Variants in RAD51B observed in about 807,000 individuals in gnomAD.
The protein encoded by RAD51B is DNA repair protein RAD51 homolog 2.
RAD51B carries 38 observed loss-of-function variants against 42.2 expected under a neutral mutation model. That is an observed-to-expected ratio of 0.90 (90% CI 0.70 to 1.18). The LOEUF (loss-of-function observed/expected upper bound fraction) is 1.18, where lower values mean the gene tolerates loss of function less well. RAD51B is among the 50% of genes most tolerant of loss of function. The probability of loss-of-function intolerance (pLI) is 0.00; values close to 1 mark genes in which losing one functional copy is unlikely to be tolerated. For synonymous variants in RAD51B, 154 were observed against 145.2 expected (o/e 1.06, Z -0.43); for missense variants, 373 against 400.7 (o/e 0.93, Z 0.59).
chr14:68,136,062 A>G (rs1391958283), intron 7 of RAD51B, among the ~76,000 whole-genome samples: 2 of 152,310 alleles, frequency 1.3e-5, no homozygotes, highest in Non-Finnish European at 2.9e-5. Context: ...CACTTTTCCT[A>G]TCTGTAAACT....
intron 8 of RAD51B, among the ~76,000 whole-genome samples, chr14:68,399,149 A>G (rs2084011594): frequency 6.6e-6 from 1 of 152,108 alleles, no homozygotes; most frequent in Non-Finnish European, 1.5e-5. Context: ...AGGCCAACCT[A>G]CATTTTCCCA....
chr14:68,448,402 C>T (rs1169504539), intron 9 of RAD51B, among the ~76,000 whole-genome samples: 2 of 152,190 alleles, frequency 1.3e-5, no homozygotes, highest in African/African-American at 2.4e-5. Flanking sequence ...TGTTTTTTAA[C>T]ATGTCATCTC....
At chr14:68,201,257 A>G (rs1190644212) in intron 7 of RAD51B, among the ~76,000 whole-genome samples, 1 of 152,226 alleles carries the variant, frequency 6.6e-6, no homozygotes, top group Non-Finnish European at 1.5e-5. Flanking sequence ...AGCAAGTTCT[A>G]TAAAGCTCTT....
At chr14:67,827,325 T>G (rs1256027238) in intron 3 of RAD51B, among the ~76,000 whole-genome samples, 1 of 152,214 alleles carries the variant, frequency 6.6e-6, no homozygotes, top group Non-Finnish European at 1.5e-5. Flanking sequence ...TCAACTTTAA[T>G]TTCTACTTCC....
At chr14:67,875,852 C>T (rs1030558655) in intron 5 of RAD51B, among the ~76,000 whole-genome samples, 1 of 152,114 alleles carries the variant, frequency 6.6e-6, no homozygotes, top group African/African-American at 2.4e-5. Context: ...GAAGGTAATA[C>T]CAGTGTGGTC....
intron 9 of RAD51B, among the ~76,000 whole-genome samples, chr14:68,447,312 A>T (rs894034892): frequency 8.5e-5 from 13 of 152,220 alleles, no homozygotes; most frequent in Admixed American, 3.3e-4. Context: ...CTGTATTGTT[A>T]AGTTAAAGAG....
At chr14:68,105,924 G>T (rs1425224847) in intron 7 of RAD51B, among the ~76,000 whole-genome samples, 1 of 151,910 alleles carries the variant, frequency 6.6e-6, no homozygotes, top group South Asian at 2.1e-4. Flanking sequence ...TGAAATAGAA[G>T]TGGGAAAAAT....
chr14:68,645,429 A>G (rs138058862), intron 10 of RAD51B, among the ~76,000 whole-genome samples: 2 of 152,322 alleles, frequency 1.3e-5, no homozygotes, highest in East Asian at 3.9e-4. Context: ...TTCACATTTT[A>G]GCTATTATGA....
chr14:68,363,828 T>G (rs947288253), intron 8 of RAD51B, among the ~76,000 whole-genome samples: 1 of 152,198 alleles, frequency 6.6e-6, no homozygotes, highest in African/African-American at 2.4e-5. Context: ...ACCACTGTGC[T>G]TCTGTGTGCT....
chr14:68,272,171 G>C (rs1468039141), intron 7 of RAD51B, among the ~76,000 whole-genome samples: 1 of 152,162 alleles, frequency 6.6e-6, no homozygotes, highest in Admixed American at 6.5e-5. Flanking sequence ...TTGCTCAGCT[G>C]GTTTGGAGCT....
At chr14:68,206,470 C>T (rs755734940) in intron 7 of RAD51B, among the ~76,000 whole-genome samples, 1 of 152,154 alleles carries the variant, frequency 6.6e-6, no homozygotes, top group Non-Finnish European at 1.5e-5. Flanking sequence ...CTTTGACATT[C>T]CTTCCACATT....
intron 10 of RAD51B, chr14:68,541,551 G>C (rs1376792059): frequency 9.1e-6 from 9 of 985,360 alleles, no homozygotes; most frequent in Non-Finnish European, 1.1e-5. Context: ...GGGGAAAGTT[G>C]AGTCTAGATG....
At chr14:68,389,960 G>A (rs1422876407) in intron 8 of RAD51B, among the ~76,000 whole-genome samples, 1 of 152,142 alleles carries the variant, frequency 6.6e-6, no homozygotes, top group East Asian at 1.9e-4. Context: ...AACAGATTAG[G>A]AACTGAATAA....
chr14:68,501,050 C>T (rs1884885044), intron 10 of RAD51B, among the ~76,000 whole-genome samples: 1 of 152,154 alleles, frequency 6.6e-6, no homozygotes, highest in African/African-American at 2.4e-5. Flanking sequence ...GGCTGGTTTC[C>T]CTCTTGCCAT....
intron 7 of RAD51B, among the ~76,000 whole-genome samples, chr14:68,160,531 C>A (rs2078616078): frequency 6.6e-6 from 1 of 152,158 alleles, no homozygotes; most frequent in Admixed American, 6.5e-5. Context: ...AAATGAAAGA[C>A]CAATGACACT....
intron 8 of RAD51B, among the ~76,000 whole-genome samples, chr14:68,381,316 A>G (rs1273915991): frequency 6.6e-6 from 1 of 152,186 alleles, no homozygotes; most frequent in African/African-American, 2.4e-5. Flanking sequence ...TGTGAGCTTC[A>G]CTTAAAGCAA....
chr14:68,524,822 C>G lies in RAD51B; in HGVS notation c.1036+56572C>G, dbSNP rs576023728. Among the ~76,000 whole-genome samples, 21 of 152,342 alleles carry G rather than the reference C, an allele frequency of 1.4e-4. 1 individual carries two copies. In the South Asian group the frequency reaches 3.9e-3, roughly 29 times the overall value. ...GTGATTTCCAGTGTTTTCTCTGAGG[C>G]AGGTCTCCAACGATTTCTCTCCAGC... On this transcript the variant is annotated intron_variant, in intron 10 of 10. Transcript: ENST00000487270.
chr14:68,080,274 A>G (rs956037587), intron 7 of RAD51B, among the ~76,000 whole-genome samples: 3 of 152,206 alleles, frequency 2.0e-5, no homozygotes, highest in African/African-American at 7.2e-5. Context: ...AGATGTATCA[A>G]CTTAATCTTA....
At chr14:68,431,306 G>T (rs2140135544) in intron 9 of RAD51B, among the ~76,000 whole-genome samples, 1 of 152,268 alleles carries the variant, frequency 6.6e-6, no homozygotes, top group South Asian at 2.1e-4. Context: ...CTATTGATTG[G>T]AATAGTTTCA....
Sources: allele counts gnomAD v4.1 joint callset (sites outside exome capture counted in the v4.1 genomes callset), GRCh38; gene constraint gnomAD v4.1.1; transcripts MANE v1.5; gene names NCBI Gene and HGNC (gene_info 2026-07-23, HGNC 2026-07-21).